OARD1: variants seen among roughly 807,000 people sequenced by gnomAD.
OARD1 encodes ADP-ribose glycohydrolase OARD1.
A neutral mutation model predicts 19.7 loss-of-function variants in OARD1; 19 were observed. The observed-to-expected ratio is 0.96, with a 90% CI of 0.67 to 1.41. The LOEUF is 1.41. OARD1 is among the 40% of genes most tolerant of loss of function. The pLI, the probability that OARD1 is intolerant of heterozygous loss-of-function variation, is 0.00. For synonymous variants in OARD1, 70 were observed against 61.8 expected (o/e 1.13, Z -0.62); for missense variants, 190 against 183.8 (o/e 1.03, Z -0.20).
At chr6:41,069,959 G>C (rs1042781461) in intron 4 of OARD1, 117 bp downstream of exon 4, 2 of 776,204 alleles carry the variant, frequency 2.6e-6, no homozygotes, top group Non-Finnish European at 4.7e-6. Context: ...GACATTCTTA[G>C]TTGTCTAGAA....
chr6:41,090,221 T>G lies in OARD1; in HGVS notation c.-42+7492A>C. 1.2e-6 allele frequency: 2 copies of G among 1,613,204 alleles called. 1 individual carries two copies. The highest frequency in any genetic ancestry group is 3.3e-5 in the Admixed American group (2 of 59,994). On this transcript the variant is annotated intron_variant, in intron 1 of 4. Transcript: ENST00000480585. The stretch of plus-strand genomic sequence containing the variant: ...TCCTCCAGACACAGCAGCAGATTGC[T>G]GTCCAGGGACAGCAAGTGGCACAGA...
intron 1 of OARD1, among the ~76,000 whole-genome samples, chr6:41,087,313 T>C (rs1388654339): frequency 6.6e-6 from 1 of 152,226 alleles, no homozygotes; most frequent in African/African-American, 2.4e-5. Flanking sequence ...GTAGGATCCA[T>C]GAATGTCTCT....
intron 1 of OARD1, among the ~76,000 whole-genome samples, chr6:41,088,153 C>T (rs1764095166): frequency 6.6e-6 from 1 of 151,962 alleles, no homozygotes; most frequent in African/African-American, 2.4e-5. Context: ...GTGCGGTGGC[C>T]CACACCTGTA....
At chr6:41,071,464 G>T in intron 2 of OARD1, 132 bp downstream of exon 2, 1 of 1,020,884 alleles carries the variant, frequency 9.8e-7, no homozygotes. Context: ...AGAATTTTGA[G>T]CCTTTTTAAA....
intron 1 of OARD1, chr6:41,092,825 A>G: frequency 7.3e-7 from 1 of 1,363,374 alleles, no homozygotes; most frequent in Non-Finnish European, 9.9e-7. Flanking sequence ...TGGCATTTAC[A>G]AAAAAAATGG....
chr6:41,093,183 A>G, intron 1 of OARD1: 1 of 1,062,580 alleles, frequency 9.4e-7, no homozygotes, highest in Non-Finnish European at 1.3e-6. Context: ...GTACCTTCCA[A>G]ACAATTGACG....
At chr6:41,089,497 A>G in intron 1 of OARD1, 1 of 1,391,288 alleles carries the variant, frequency 7.2e-7, no homozygotes, top group East Asian at 2.6e-5. Flanking sequence ...TCTGCTTTCT[A>G]GAGAAATGTG....
upstream of OARD1, chr6:41,072,569 A>G (rs1038747440): frequency 8.5e-5 from 13 of 152,330 alleles, no homozygotes; most frequent in African/African-American, 3.1e-4. Flanking sequence ...TTCCGGCAGT[A>G]AATTCCGTGG....
rs2114039642 is a variant in OARD1, at chr6:41,066,704, C to T, written c.*631G>A. ...CACTTTGCTTCTCCTCCCGCTTGGA[C>T]CCTTTGTCTGACTGTTTGAAATTAA... On this transcript the variant is annotated 3_prime_UTR_variant, in exon 6 of 6. Coordinates refer to ENST00000424266, the MANE Select transcript of OARD1 (RefSeq NM_001329686.2). 2 of 152,298 alleles carry T rather than the reference C, an allele frequency of 1.3e-5. No individual in the cohort carries two copies. The highest frequency in any genetic ancestry group is 4.1e-4 in the South Asian group (2 of 4,826). 9.4% of individuals were successfully genotyped at this position (152,298 alleles called of 1,614,324 possible).
upstream of OARD1, among the ~76,000 whole-genome samples, chr6:41,073,682 G>C (rs756041602): frequency 5.3e-5 from 8 of 151,986 alleles, no homozygotes; most frequent in Non-Finnish European, 1.2e-4. Flanking sequence ...GGCTGGCAAC[G>C]GGGCTGGCCC....
intron 5 of OARD1, among the ~76,000 whole-genome samples, chr6:41,067,859 C>CA (rs1373844753): frequency 4.6e-5 from 7 of 151,826 alleles, no homozygotes; most frequent in South Asian, 2.1e-4. Flanking sequence ...ACAGGATCTG[C>CA]AAAAAAGAAA....
intron 1 of OARD1, among the ~76,000 whole-genome samples, chr6:41,096,995 A>G (rs899372709): frequency 6.6e-6 from 1 of 152,228 alleles, no homozygotes; most frequent in Non-Finnish European, 1.5e-5. Flanking sequence ...AACAGTGACA[A>G]AAATACAGCA....
intron 1 of OARD1, among the ~76,000 whole-genome samples, chr6:41,079,900 A>G (rs1763860308): frequency 6.6e-6 from 1 of 152,206 alleles, no homozygotes; most frequent in Non-Finnish European, 1.5e-5. Flanking sequence ...GGTAGTATTG[A>G]TGATGAGTTT....
At chr6:41,091,020 G>C (rs1764185460) in intron 1 of OARD1, among the ~76,000 whole-genome samples, 1 of 152,230 alleles carries the variant, frequency 6.6e-6, no homozygotes, top group Non-Finnish European at 1.5e-5. Context: ...CCCTGAACTG[G>C]ATTGAGCCCA....
At chr6:41,097,611 TTCAG>T (rs1289400219) in intron 1 of OARD1, 4 of 567,180 alleles carry the variant, frequency 7.1e-6, no homozygotes, top group African/African-American at 5.7e-5. Context: ...GTCTTACTCT[TTCAG>T]TCAGGACCTA....
chr6:41,071,819 A>G (rs1763422900), intron 1 of OARD1, 144 bp from the exon 2 acceptor site: 3 of 577,520 alleles, frequency 5.2e-6, no homozygotes, highest in Admixed American at 5.9e-5. Flanking sequence ...GACGTAATAC[A>G]AAACCCTTCT....
At chr6:41,083,972 C>G in intron 1 of OARD1, 2 of 1,411,254 alleles carry the variant, frequency 1.4e-6, no homozygotes, top group Non-Finnish European at 1.9e-6. Context: ...CAGAATAGTT[C>G]CAGTGATTGT....
At chr6:41,084,804 A>C (rs563797476) in intron 1 of OARD1, among the ~76,000 whole-genome samples, 156 of 152,318 alleles carry the variant, frequency 1.0e-3, no homozygotes, top group Middle Eastern at 0.01. Context: ...CTCTACTAAA[A>C]ATAAAAAATT....
chr6:41,080,433 A>C (rs542804468), intron 1 of OARD1, among the ~76,000 whole-genome samples: 1 of 152,348 alleles, frequency 6.6e-6, no homozygotes, highest in South Asian at 2.1e-4. Context: ...TTTTTATGGT[A>C]GTTTCAGGGC....
Sources: gnomAD v4.1 joint callset for allele counts (sites outside exome capture counted in the v4.1 genomes callset) on GRCh38, gnomAD v4.1.1 for gene constraint, MANE v1.5 for transcripts, NCBI Gene and HGNC (gene_info 2026-07-23, HGNC 2026-07-21) for gene names.